The following PPP2R2B variants were observed in gnomAD, a reference collection of about 807,000 sequenced individuals.
PPP2R2B encodes protein phosphatase 2 regulatory subunit Bbeta.
Under a neutral mutation model 46.0 loss-of-function variants are expected in PPP2R2B, and 5 were observed. The ratio of observed to expected loss-of-function variants is 0.11; its 90% confidence interval spans 0.06 to 0.23. The LOEUF is 0.23. Ranked by LOEUF, PPP2R2B falls within the 10% of genes least tolerant of loss-of-function variation. PPP2R2B has a pLI of 1.00. For synonymous variants in PPP2R2B, 215 were observed against 206.7 expected, an observed-to-expected ratio of 1.04 and a Z score of -0.34; for missense variants, 367 against 575.0, an observed-to-expected ratio of 0.64 and a Z score of 3.70.
intron 5 of PPP2R2B, 103 bp from the exon 6 acceptor site, chr5:146,650,827 C>T (rs950627024): frequency 2.5e-5 from 27 of 1,089,674 alleles, no homozygotes; most frequent in Non-Finnish European, 3.3e-5. Context: ...ATAATAGCCA[C>T]ATTGAAGAAA....
At chr5:146,741,952 G>T (rs993892973) in intron 2 of PPP2R2B, among the ~76,000 whole-genome samples, 4 of 152,180 alleles carry the variant, frequency 2.6e-5, no homozygotes, top group African/African-American at 9.7e-5. Flanking sequence ...ATTTGTGTTT[G>T]TGTAGGAAGA....
chr5:146,958,450 G>A (rs1484862261), intron 1 of PPP2R2B, among the ~76,000 whole-genome samples: 1 of 152,132 alleles, frequency 6.6e-6, no homozygotes, highest in Non-Finnish European at 1.5e-5. Context: ...ATTAGTGTTA[G>A]TCATCTTACC....
At chr5:146,739,355 G>A (rs981460766) in intron 2 of PPP2R2B, among the ~76,000 whole-genome samples, 23 of 152,158 alleles carry the variant, frequency 1.5e-4, no homozygotes, top group African/African-American at 5.6e-4. Flanking sequence ...AGAAATTAGG[G>A]GAAGCATCGT....
At position 146,812,818 on chromosome 5, in the gene PPP2R2B, TATATATATATAC is replaced by T. The variant is rs1358812815; in HGVS notation, c.70+65172_70+65183del. Among the ~76,000 whole-genome samples, 178 of 87,914 alleles carry T rather than the reference TATATATATATAC, an allele frequency of 2.0e-3. 16 individuals carry two copies. Among genetic ancestry groups the T allele is most frequent in the African/African-American group, 7.0e-3 (171 of 24,580 alleles). The allele number at this position is 87,914 out of a possible 152,430, so 57.7% of individuals were successfully genotyped here. A position where few individuals can be genotyped will look rare whatever the true frequency, so the allele number is the denominator to read the frequency against. The stretch of plus-strand genomic sequence containing the variant: ...GTATATATATATATATATATATATA[TATATATATATAC>T]ACACACATTTCCATTATAAAACCAT... On this transcript the variant is annotated intron_variant, in intron 2 of 9. Coordinates refer to ENST00000394411, the MANE Select transcript of PPP2R2B (RefSeq NM_181675.4).
intron 2 of PPP2R2B, among the ~76,000 whole-genome samples, chr5:146,877,299 A>T (rs1761951746): frequency 6.6e-6 from 1 of 152,102 alleles, no homozygotes; most frequent in Non-Finnish European, 1.5e-5. Flanking sequence ...AGCTTGCTGA[A>T]CCCTTTTGCT....
chr5:146,692,379 G>C (rs1385871087), intron 4 of PPP2R2B, among the ~76,000 whole-genome samples: 1 of 151,972 alleles, frequency 6.6e-6, no homozygotes, highest in Non-Finnish European at 1.5e-5. Context: ...ATTCTCTATA[G>C]CATTAAAACA....
intron 4 of PPP2R2B, among the ~76,000 whole-genome samples, chr5:146,692,788 T>G (rs1778941278): frequency 6.6e-6 from 1 of 151,828 alleles, no homozygotes; most frequent in Admixed American, 6.6e-5. Context: ...CCTGCCTCGG[T>G]CTCCCAAAGT....
At chr5:146,922,758 C>T (rs1325134894) in intron 1 of PPP2R2B, among the ~76,000 whole-genome samples, 2 of 152,148 alleles carry the variant, frequency 1.3e-5, no homozygotes, top group Non-Finnish European at 2.9e-5. Context: ...CCCATCAGCA[C>T]ATCCCATTGG....
chr5:146,781,739 T>A (rs929890998), intron 2 of PPP2R2B, among the ~76,000 whole-genome samples: 1 of 152,188 alleles, frequency 6.6e-6, no homozygotes, highest in Non-Finnish European at 1.5e-5. Flanking sequence ...AATGTGATAC[T>A]TTATGAAAAC....
chr5:146,849,809 G>A (rs947367182), intron 2 of PPP2R2B, among the ~76,000 whole-genome samples: 2 of 152,056 alleles, frequency 1.3e-5, no homozygotes, highest in Non-Finnish European at 2.9e-5. Context: ...TAGATAATAG[G>A]CATAATCATT....
exon 1 of PPP2R2B, chr5:147,081,384 C>T (rs1260958101): frequency 2.3e-6 from 3 of 1,330,952 alleles, no homozygotes; most frequent in African/African-American, 1.5e-5. Flanking sequence ...CCAGTTTGAA[C>T]TGGAGCAATT....
At chr5:146,672,103 G>T (rs1321941363) in intron 5 of PPP2R2B, among the ~76,000 whole-genome samples, 3 of 152,216 alleles carry the variant, frequency 2.0e-5, no homozygotes, top group Non-Finnish European at 4.4e-5. Context: ...TGATCGACAA[G>T]TAAGAATGTG....
intron 2 of PPP2R2B, among the ~76,000 whole-genome samples, chr5:146,705,933 CTTTT>C (rs747667342): frequency 7.2e-6 from 1 of 139,460 alleles, no homozygotes. Flanking sequence ...TATCTTTTCT[CTTTT>C]TTTTTTTTTT....
chr5:146,961,154 A>C (rs1389334817), intron 1 of PPP2R2B, among the ~76,000 whole-genome samples: 1 of 152,244 alleles, frequency 6.6e-6, no homozygotes, highest in Non-Finnish European at 1.5e-5. Flanking sequence ...TAAAGCACAC[A>C]GAGTATTCCA....
At chr5:146,977,569 A>T (rs1752975839) in intron 1 of PPP2R2B, among the ~76,000 whole-genome samples, 1 of 151,528 alleles carries the variant, frequency 6.6e-6, no homozygotes, top group African/African-American at 2.4e-5. Context: ...TGTTCCCCTC[A>T]CTGTGTCCAT....
At position 147,055,654 on chromosome 5, in the gene PPP2R2B, CT is replaced by C. The variant is rs759917711; in HGVS notation, c.79+10del. On this transcript the variant is annotated intron_variant, in intron 1 of 8. Coordinates refer to the PPP2R2B transcript ENST00000336640. Reference sequence around the variant, plus strand: ...CCACCCACCCAGACACTCTCCCTCTCTGGTCTGTACCTTCTGTGTGGCAGCT... The same window carrying C: ...CCACCCACCCAGACACTCTCCCTCTCGGTCTGTACCTTCTGTGTGGCAGCT... The C allele has an allele frequency of 6.2e-6, 10 of 1,600,236 alleles. No individual in the cohort carries two copies. In the Admixed American group the frequency reaches 1.7e-4, roughly 27 times the overall value.
At chr5:146,968,998 C>T (rs553855054) in intron 1 of PPP2R2B, among the ~76,000 whole-genome samples, 64 of 152,198 alleles carry the variant, frequency 4.2e-4, no homozygotes, top group Admixed American at 8.5e-4. Flanking sequence ...CAATTCAGGA[C>T]GTTTAACAAG....
At chr5:146,869,091 C>T (rs576541446) in intron 2 of PPP2R2B, among the ~76,000 whole-genome samples, 2 of 152,284 alleles carry the variant, frequency 1.3e-5, no homozygotes, top group South Asian at 4.1e-4. Context: ...ACATTCAAAT[C>T]CACAATGGTT....
intron 6 of PPP2R2B, among the ~76,000 whole-genome samples, chr5:146,643,163 A>G (rs1775332094): frequency 6.6e-6 from 1 of 151,980 alleles, no homozygotes; most frequent in Admixed American, 6.6e-5. Context: ...AGACCACGTA[A>G]AAGATATTAC....
Sources: gnomAD v4.1 joint callset for allele counts (sites outside exome capture counted in the v4.1 genomes callset) on GRCh38, gnomAD v4.1.1 for gene constraint, MANE v1.5 for transcripts, NCBI Gene and HGNC (gene_info 2026-07-23, HGNC 2026-07-21) for gene names.